The following KIRREL1 variants were observed in gnomAD, a reference collection of about 807,000 sequenced individuals.
KIRREL1 encodes kin of IRRE-like protein 1.
KIRREL1 carries 25 observed loss-of-function variants against 83.3 expected under a neutral mutation model. That is an observed-to-expected ratio of 0.30 (90% confidence interval 0.22 to 0.42). The LOEUF (loss-of-function observed/expected upper bound fraction) is 0.42, where lower values mean the gene tolerates loss of function less well. Among genes scored for constraint, KIRREL1 ranks in the 10% least tolerant of loss-of-function variants. The pLI is 1.00. For synonymous variants in KIRREL1, 388 were observed against 410.4 expected, an observed-to-expected ratio of 0.95 and a Z score of 0.66; for missense variants, 812 against 1,032.3, an observed-to-expected ratio of 0.79 and a Z score of 2.92.
intron 1 of KIRREL1, among the ~76,000 whole-genome samples, chr1:158,023,622 G>A (rs1240935554): frequency 6.6e-6 from 1 of 152,180 alleles, no homozygotes; most frequent in Non-Finnish European, 1.5e-5. Context: ...GGGGGACCGG[G>A]AGACTTGTGT....
intron 1 of KIRREL1, among the ~76,000 whole-genome samples, chr1:158,009,712 TG>T (rs1659616912): frequency 6.6e-6 from 1 of 152,216 alleles, no homozygotes; most frequent in South Asian, 2.1e-4. Flanking sequence ...CTGTTCAAGC[TG>T]GGGCTGCTTC....
At chr1:158,071,335 C>G (rs1254853910) in intron 1 of KIRREL1, among the ~76,000 whole-genome samples, 1 of 152,168 alleles carries the variant, frequency 6.6e-6, no homozygotes, top group African/African-American at 2.4e-5. Context: ...CTCTGTCAGC[C>G]TTCTGGGTAC....
In KIRREL1 at chr1:158,084,436, A is replaced by C; in HGVS notation, c.367A>C (p.Thr123Pro). 2 of 1,551,798 alleles carry C rather than the reference A, an allele frequency of 1.3e-6. No homozygotes were observed. The highest frequency in any genetic ancestry group is 1.7e-6 in the Non-Finnish European group (2 of 1,146,996). The change falls in exon 4 of 15, where the codon ACC becomes CCC. Residue 123 changes from threonine to proline, a missense_variant. Coordinates refer to ENST00000359209, the MANE Select transcript of KIRREL1 (RefSeq NM_018240.7). The stretch of plus-strand genomic sequence containing the variant: ...TTCTCCCACAGTCCCCCCAGAGGAC[A>C]CCAGGATTGACGGAGGCCCTGTGAT... ...KLTVLIPPED[T>P]RIDGGPVILL...
rs572500164 is a variant in KIRREL1, at chr1:158,055,089, C to G, written c.53-21024C>G. On this transcript the variant is annotated intron_variant, in intron 1 of 14. Transcript: ENST00000359209. ...GGGACTTAGTGAGGCTGCACTGGCA[C>G]CTGATTGACACTAAGCACCTGCACT... is the stretch of plus-strand genomic sequence containing the variant. Among the ~76,000 whole-genome samples, 7 of 152,232 alleles carry G rather than the reference C, an allele frequency of 4.6e-5. No individual in the cohort carries two copies. In the East Asian group the frequency reaches 1.2e-3, roughly 25 times the overall value.
At chr1:158,070,313 C>T (rs1015049673) in intron 1 of KIRREL1, among the ~76,000 whole-genome samples, 4 of 152,204 alleles carry the variant, frequency 2.6e-5, no homozygotes, top group African/African-American at 7.2e-5. Flanking sequence ...CCCATCTCTG[C>T]CACTTAACAG....
rs371420109 is a variant in KIRREL1, at chr1:158,039,294, T to C, written c.53-36819T>C. On this transcript the variant is annotated intron_variant, in intron 1 of 14. Coordinates refer to ENST00000359209, the MANE Select transcript of KIRREL1 (RefSeq NM_018240.7). ...AGTAAAAGGGAAAATCACTTGGAAATGTACTTCCCTTTACTGACCCTGCAG... is the reference window on the plus strand; with the variant it reads ...AGTAAAAGGGAAAATCACTTGGAAACGTACTTCCCTTTACTGACCCTGCAG... 1.2e-4 allele frequency among the ~76,000 whole-genome samples: 18 copies of C among 152,320 alleles called. No homozygotes were observed. In the East Asian group the frequency reaches 2.9e-3, roughly 24 times the overall value.
intron 1 of KIRREL1, among the ~76,000 whole-genome samples, chr1:158,036,435 A>G (rs1258825536): frequency 6.6e-6 from 1 of 152,210 alleles, no homozygotes; most frequent in Non-Finnish European, 1.5e-5. Context: ...GGGGACATGC[A>G]TGATGCTTAG....
At chr1:158,034,290 A>AAAAAAAAAAAAAG (rs1557997272) in intron 1 of KIRREL1, among the ~76,000 whole-genome samples, 1 of 151,538 alleles carries the variant, frequency 6.6e-6, no homozygotes, top group African/African-American at 2.4e-5. Context: ...AAAAAAAGAA[A>AAAAAAAAAAAAAG]AAAAGAAAAT....
rs1455510465 is a variant in KIRREL1 at position 158,093,765 on chromosome 1, G to A, written c.1719+3G>A. 5 of 1,613,970 alleles carry A rather than the reference G, an allele frequency of 3.1e-6. No homozygotes were observed. Among genetic ancestry groups the A allele is most frequent in the Non-Finnish European group, 3.4e-6 (4 of 1,180,018 alleles). ...GGGTCATGAAGGCCATCTACTCGGT[G>A]AGGGTCCTGCTCCTCTCTGGCCTCC... is the stretch of plus-strand genomic sequence containing the variant. On this transcript the variant is annotated splice_donor_region_variant and intron_variant, in intron 13 of 14. Coordinates refer to ENST00000359209, the MANE Select transcript of KIRREL1 (RefSeq NM_018240.7).
intron 1 of KIRREL1, among the ~76,000 whole-genome samples, chr1:158,010,449 AC>A (rs1659651996): frequency 2.7e-5 from 4 of 147,918 alleles, no homozygotes; most frequent in Non-Finnish European, 6.0e-5. Flanking sequence ...ACACACACAC[AC>A]ACACACACAC....
At chr1:158,029,337 C>CTGTGTGTG (rs60980289) in intron 1 of KIRREL1, among the ~76,000 whole-genome samples, 5,272 of 69,296 alleles carry the variant, frequency 0.076, 129 homozygotes, top group Non-Finnish European at 0.11. Flanking sequence ...TAACAAAAAC[C>CTGTGTGTG]TGTGTGTGTG....
At chr1:158,009,197 C>G (rs769860887) in intron 1 of KIRREL1, among the ~76,000 whole-genome samples, 1 of 152,172 alleles carries the variant, frequency 6.6e-6, no homozygotes, top group Non-Finnish European at 1.5e-5. Context: ...CTTCAGGTCC[C>G]CGAGAAGCGG....
At chr1:158,007,816 T>C (rs1175279558) in intron 1 of KIRREL1, among the ~76,000 whole-genome samples, 1 of 152,028 alleles carries the variant, frequency 6.6e-6, no homozygotes, top group Non-Finnish European at 1.5e-5. Context: ...GCAGCCCCTG[T>C]GCCCTCGCTT....
At chr1:158,041,100 C>T (rs367728389) in intron 1 of KIRREL1, among the ~76,000 whole-genome samples, 7 of 152,098 alleles carry the variant, frequency 4.6e-5, no homozygotes, top group Admixed American at 1.3e-4. Context: ...CTCCACTGAG[C>T]ATTTGGAATA....
At chr1:158,082,717 C>T (rs1661899348) in intron 3 of KIRREL1, among the ~76,000 whole-genome samples, 2 of 152,170 alleles carry the variant, frequency 1.3e-5, no homozygotes, top group Non-Finnish European at 2.9e-5. Context: ...CTTGTAATCC[C>T]AGCACTTTGG....
chr1:158,075,160 G>A (rs1000248312), intron 1 of KIRREL1, among the ~76,000 whole-genome samples: 2 of 152,240 alleles, frequency 1.3e-5, no homozygotes, highest in East Asian at 3.8e-4. Context: ...GACCAGTGCT[G>A]GTTGGAGCCA....
intron 1 of KIRREL1, among the ~76,000 whole-genome samples, chr1:158,046,994 T>C (rs530195686): frequency 6.6e-6 from 1 of 152,096 alleles, no homozygotes; most frequent in African/African-American, 2.4e-5. Flanking sequence ...AAACAACAGG[T>C]TAAGAAACTA....
At chr1:158,025,006 C>T (rs1660128671) in intron 1 of KIRREL1, among the ~76,000 whole-genome samples, 1 of 152,182 alleles carries the variant, frequency 6.6e-6, no homozygotes, top group Non-Finnish European at 1.5e-5. Flanking sequence ...CCCGAGGGAC[C>T]CATGGACACT....
chr1:158,086,780 G>A (rs1201806829), intron 5 of KIRREL1, 34 bp downstream of exon 5: 18 of 1,502,690 alleles, frequency 1.2e-5, no homozygotes, highest in Non-Finnish European at 1.6e-5. Flanking sequence ...CTGGAGCAGG[G>A]GGGTGGAAGA....
Sources: allele counts gnomAD v4.1 joint callset (sites outside exome capture counted in the v4.1 genomes callset), GRCh38; gene constraint gnomAD v4.1.1; transcripts MANE v1.5; gene names NCBI Gene and HGNC (gene_info 2026-07-23, HGNC 2026-07-21).